The following RACK1 variants were observed in gnomAD, a reference collection of about 807,000 sequenced individuals.
RACK1 encodes the protein receptor for activated C kinase 1.
A neutral mutation model predicts 42.2 loss-of-function variants in RACK1; 3 were observed. The ratio of observed to expected loss-of-function variants is 0.07; its 90% CI spans 0.03 to 0.18. The LOEUF (loss-of-function observed/expected upper bound fraction) is 0.18. Ranked by LOEUF, RACK1 falls within the 10% of genes least tolerant of loss-of-function variation. The pLI, the probability that RACK1 is intolerant of heterozygous loss-of-function variation, is 1.00. For missense variants in RACK1, 146 were observed against 403.2 expected, an observed-to-expected ratio of 0.36 and a Z score of 5.46; for synonymous variants, 181 against 154.8, an observed-to-expected ratio of 1.17 and a Z score of -1.25.
intron 6 of RACK1, 172 bp downstream of exon 6, chr5:181,237,927 G>A (rs1490718071): frequency 4.3e-6 from 3 of 691,888 alleles, no homozygotes; most frequent in Non-Finnish European, 7.5e-6. Flanking sequence ...TAAACATCCT[G>A]GAATGTACAG....
rs187034782 is a variant in RACK1 at position 181,238,180 on chromosome 5, A to G, written c.696T>C (p.Gly232=). The change falls in exon 6 of 8, where the codon GGT becomes GGC. Residue 232 remains glycine (G), a synonymous_variant. Transcript: ENST00000512805. ...NEGKHLYTLD[G]GDIINALCFS... Reference sequence around the variant, plus strand: ...AGCACAGGGCGTTGATGATGTCCCCACCATCTAGCGTGTAAAGGTGTTTGC... The same window carrying G: ...AGCACAGGGCGTTGATGATGTCCCCGCCATCTAGCGTGTAAAGGTGTTTGC... 23 of 1,614,074 alleles carry G rather than the reference A, an allele frequency of 1.4e-5. No homozygotes were observed. The African/African-American group carries it at 2.3e-4, about 16-fold the overall frequency.
At position 181,236,973 on chromosome 5, in the gene RACK1, A is replaced by C. The variant is rs771185433; in HGVS notation, c.*4T>G. 3 of 1,599,112 alleles carry C rather than the reference A, an allele frequency of 1.9e-6. No individual in the cohort carries two copies. Among genetic ancestry groups the C allele is most frequent in the East Asian group, 4.5e-5 (2 of 44,756 alleles). On this transcript the variant is annotated 3_prime_UTR_variant, in exon 8 of 8. Coordinates refer to ENST00000512805, the MANE Select transcript of RACK1 (RefSeq NM_006098.5). ...TTTTATTTGTAAAGCTCTGCCATAA[A>C]CTTCTAGCGTGTGCCAATGGTCACC...
chr5:181,241,359 G>A lies in RACK1; in HGVS notation c.429+133C>T. ...GCACCAGAATCCCTTGAGCCCGGGAGGCAGAGGTTGCAGTGAGCCGAGACT... is the reference window on the plus strand; with the variant it reads ...GCACCAGAATCCCTTGAGCCCGGGAAGCAGAGGTTGCAGTGAGCCGAGACT... On this transcript the variant is annotated intron_variant, in intron 3 of 7. Transcript: ENST00000512805. 3 of 742,124 alleles carry A rather than the reference G, an allele frequency of 4.0e-6. No individual in the cohort carries two copies. In the South Asian group the frequency reaches 5.3e-5, roughly 13 times the overall value. The allele number at this position is 742,124 out of a possible 1,614,324, so 46.0% of individuals were successfully genotyped here. A position where few individuals can be genotyped will look rare whatever the true frequency, so the allele number is the denominator to read the frequency against.
chr5:181,242,333 A>G lies in RACK1; in HGVS notation c.122T>C (p.Ile41Thr), dbSNP rs750193394. 1 of 1,612,484 alleles carries G rather than the reference A, an allele frequency of 6.2e-7. No homozygotes were observed. The highest frequency in any genetic ancestry group is 8.5e-7 in the Non-Finnish European group (1 of 1,178,938). ...ILSASRDKTIIMWKLTRDETN... is the reference protein window; with the variant it reads ...ILSASRDKTITMWKLTRDETN... Reference sequence around the variant, plus strand: ...CTCATCCCTGGTCAGTTTCCACATGATGATGGTCTTATCTAAAGGAGGTAA... The same window carrying G: ...CTCATCCCTGGTCAGTTTCCACATGGTGATGGTCTTATCTAAAGGAGGTAA... Residue 41 changes from isoleucine (I) to threonine (T), a missense_variant, in exon 2 of 8, where the codon ATC becomes ACC. Physicochemically the swap from Ile to Thr is moderately conservative, Grantham distance 89. Transcript: ENST00000512805.
intron 2 of RACK1, chr5:181,241,885 C>T (rs773945055): frequency 1.3e-4 from 101 of 766,912 alleles, no homozygotes; most frequent in Non-Finnish European, 2.2e-4. Flanking sequence ...TCTGTCATCA[C>T]CAGGACCCTC....
chr5:181,243,765 C>T lies in RACK1; in HGVS notation c.36G>A (p.Lys12=), dbSNP rs1321633139. The change falls in exon 1 of 8, where the codon AAG becomes AAA. Residue 12 remains lysine (K), a synonymous_variant. Transcript: ENST00000512805. Reference sequence around the variant, plus strand: ...TCTGGGTTACCCAGCCGTTGTGGCCCTTGAGGGTGCCACGAAGGGTCATCT... The same window carrying T: ...TCTGGGTTACCCAGCCGTTGTGGCCTTTGAGGGTGCCACGAAGGGTCATCT... ...TEQMTLRGTL[K]GHNGWVTQIA... The T allele has an allele frequency of 6.2e-7, 1 of 1,608,830 alleles. No homozygotes were observed. The highest frequency in any genetic ancestry group is 2.2e-5 in the East Asian group (1 of 44,678).
At chr5:181,243,509 CGCCCGGGTTGAG>C in intron 1 of RACK1, 171 bp downstream of exon 1, 9 of 1,423,094 alleles carry the variant, frequency 6.3e-6, no homozygotes, top group Non-Finnish European at 8.4e-6. Flanking sequence ...CAATGTGGTT[CGCCCGGGTTGAG>C]GCCTAGGCTC....
chr5:181,241,709 G>A (rs1759352118), intron 2 of RACK1, 70 bp from the exon 3 acceptor site: 1 of 1,532,444 alleles, frequency 6.5e-7, no homozygotes, highest in Admixed American at 1.7e-5. Flanking sequence ...CTCATTTCCT[G>A]GGCTTTGTCT....
chr5:181,243,369 A>G, intron 1 of RACK1: 1 of 1,396,940 alleles, frequency 7.2e-7, no homozygotes, highest in Non-Finnish European at 9.5e-7. Context: ...TGTTGGGGTC[A>G]TCACCGCCCC....
chr5:181,243,576 G>A, intron 1 of RACK1, 116 bp downstream of exon 1: 1 of 1,430,146 alleles, frequency 7.0e-7, no homozygotes, highest in Non-Finnish European at 9.5e-7. Flanking sequence ...AAGTCTGTCA[G>A]TCCCCGCCAA....
chr5:181,237,325 G>A (rs1484641099), intron 7 of RACK1: 5 of 713,992 alleles, frequency 7.0e-6, no homozygotes, highest in South Asian at 4.5e-5. Flanking sequence ...TATTCCTTGA[G>A]GAAGAAACAG....
chr5:181,240,694 A>T (rs944553657), intron 3 of RACK1, among the ~76,000 whole-genome samples: 2 of 151,988 alleles, frequency 1.3e-5, no homozygotes, highest in Non-Finnish European at 2.9e-5. Flanking sequence ...AAAAAGAAAA[A>T]AAATAAATAA....
intron 3 of RACK1, chr5:181,240,249 G>A (rs1759290199): frequency 1.2e-5 from 2 of 167,846 alleles, no homozygotes; most frequent in South Asian, 1.0e-4. Flanking sequence ...CAGCGACTCG[G>A]GAGGCTGAGG....
intron 5 of RACK1, 132 bp from the exon 6 acceptor site, chr5:181,238,371 C>T: frequency 3.4e-6 from 3 of 882,254 alleles, no homozygotes; most frequent in Middle Eastern, 2.3e-4. Flanking sequence ...GCTAATGACT[C>T]AAGTACCAAT....
rs570704731 is a variant in RACK1, at chr5:181,238,341, T to C, written c.637-102A>G. 13 of 1,199,554 alleles carry C rather than the reference T, an allele frequency of 1.1e-5. No individual in the cohort carries two copies. In the African/African-American group the frequency reaches 2.0e-4, roughly 18 times the overall value. 74.3% of individuals were successfully genotyped at this position (1,199,554 alleles called of 1,614,324 possible). On this transcript the variant is annotated intron_variant, in intron 5 of 7. Transcript: ENST00000512805. ...GAATCAATTCTTACCTTTCCTCCAT[T>C]ACCCCAGGCTTCTTTGAAAGCTAAT...
At chr5:181,237,380 A>G in intron 7 of RACK1, 1 of 702,466 alleles carries the variant, frequency 1.4e-6, no homozygotes. Context: ...CAGATTAATT[A>G]AGGTATTAAT....
intron 5 of RACK1, 197 bp from the exon 6 acceptor site, chr5:181,238,436 A>G: frequency 1.8e-6 from 1 of 553,056 alleles, no homozygotes; most frequent in East Asian, 3.0e-5. Context: ...CCCATCAAAA[A>G]ACCCCTCCCA....
rs745953408 is a variant in RACK1 at position 181,243,748 on chromosome 5, A to G, written c.53T>C (p.Val18Ala). 1.2e-6 allele frequency: 2 copies of G among 1,609,208 alleles called. No homozygotes were observed. The highest frequency in any genetic ancestry group is 1.7e-6 in the Non-Finnish European group (2 of 1,178,082). Residue 18 changes from valine (V) to alanine (A), a missense_variant, in exon 1 of 8, where the codon GTA becomes GCA. By Grantham distance (64) the Val-to-Ala change is moderately conservative. Transcript: ENST00000512805. ...RGTLKGHNGWVTQIATTPQFP... is the reference protein window; with the variant it reads ...RGTLKGHNGWATQIATTPQFP... ...CTGCGGGGTAGTAGCGATCTGGGTT[A>G]CCCAGCCGTTGTGGCCCTTGAGGGT...
At chr5:181,239,378 G>T (rs1235004654) in intron 4 of RACK1, 109 bp downstream of exon 4, 9 of 832,624 alleles carry the variant, frequency 1.1e-5, no homozygotes, top group Non-Finnish European at 1.7e-5. Context: ...TGTGACAAGA[G>T]AAAGAGTCAA....
Sources: allele counts gnomAD v4.1 joint callset (sites outside exome capture counted in the v4.1 genomes callset), GRCh38; gene constraint gnomAD v4.1.1; transcripts MANE v1.5; gene names NCBI Gene and HGNC (gene_info 2026-07-23, HGNC 2026-07-21).